Variants in NEK1 observed in about 807,000 individuals in gnomAD.
NEK1 encodes serine/threonine-protein kinase Nek1.
NEK1 carries 137 observed loss-of-function variants against 182.1 expected under a neutral mutation model. The observed-to-expected ratio is 0.75, with a 90% CI of 0.65 to 0.87. The LOEUF is 0.87. Among genes scored for constraint, NEK1 ranks in the 40% least tolerant of loss-of-function variants. NEK1 has a pLI of 0.00. For missense variants in NEK1, 1,391 were observed against 1,494.4 expected, an observed-to-expected ratio of 0.93 and a Z score of 1.14; for synonymous variants, 513 against 492.2, an observed-to-expected ratio of 1.04 and a Z score of -0.56.
At chr4:169,536,363 A>AT (rs1485742153) in intron 19 of NEK1, among the ~76,000 whole-genome samples, 1 of 151,980 alleles carries the variant, frequency 6.6e-6, no homozygotes, top group African/African-American at 2.4e-5. Flanking sequence ...AAAGAGAAAA[A>AT]TTTTAAAGTA....
At chr4:169,491,015 C>A (rs923664811) in intron 23 of NEK1, among the ~76,000 whole-genome samples, 4 of 151,474 alleles carry the variant, frequency 2.6e-5, no homozygotes, top group Admixed American at 2.6e-4. Context: ...TGGTGGCATG[C>A]GCCTGTAGTC....
intron 31 of NEK1, among the ~76,000 whole-genome samples, chr4:169,409,149 G>A (rs181571308): frequency 6.6e-6 from 1 of 151,740 alleles, no homozygotes; most frequent in Non-Finnish European, 1.5e-5. Context: ...TTTACTTATT[G>A]TTTTTCTTTT....
chr4:169,501,411 C>G (rs1413859449), intron 23 of NEK1, among the ~76,000 whole-genome samples: 5 of 152,194 alleles, frequency 3.3e-5, no homozygotes, highest in Non-Finnish European at 7.4e-5. Context: ...TAATTAGCAT[C>G]TACAGAACAC....
intron 23 of NEK1, among the ~76,000 whole-genome samples, chr4:169,496,718 G>A (rs376007658): frequency 2.6e-4 from 37 of 143,856 alleles, no homozygotes; most frequent in East Asian, 1.0e-3. Context: ...ATTGATTTGC[G>A]TATGTTGAAC....
intron 29 of NEK1, among the ~76,000 whole-genome samples, chr4:169,427,723 T>C (rs985020704): frequency 2.0e-5 from 3 of 150,028 alleles, no homozygotes; most frequent in African/African-American, 7.4e-5. Context: ...CTCAAACTCC[T>C]GACCTCAGGT....
chr4:169,490,864 C>A (rs1749928879), intron 23 of NEK1, among the ~76,000 whole-genome samples: 1 of 152,032 alleles, frequency 6.6e-6, no homozygotes, highest in African/African-American at 2.4e-5. Context: ...AGAGATGAGG[C>A]CGGGCATGGT....
intron 33 of NEK1, among the ~76,000 whole-genome samples, chr4:169,401,060 A>G (rs1731592577): frequency 6.6e-6 from 1 of 152,212 alleles, no homozygotes; most frequent in African/African-American, 2.4e-5. Context: ...TAAGACATAC[A>G]TCATTACATT....
intron 18 of NEK1, among the ~76,000 whole-genome samples, chr4:169,541,508 AC>A (rs1281568658): frequency 6.6e-6 from 1 of 152,152 alleles, no homozygotes; most frequent in East Asian, 1.9e-4. Flanking sequence ...TAAAGAAGAA[AC>A]AGGCAAATAT....
chr4:169,508,206 GAC>G, intron 21 of NEK1, 40 bp downstream of exon 21: 1 of 1,489,000 alleles, frequency 6.7e-7, no homozygotes, highest in Non-Finnish European at 9.1e-7. Flanking sequence ...AACCTACTAT[GAC>G]ATCATTCAAT....
chr4:169,456,951 G>A (rs1232040667), intron 27 of NEK1, among the ~76,000 whole-genome samples: 1 of 152,154 alleles, frequency 6.6e-6, no homozygotes, highest in Non-Finnish European at 1.5e-5. Flanking sequence ...TATAAGACAG[G>A]CACAGAAAGA....
At position 169,516,095 on chromosome 4, in the gene NEK1, T is replaced by C. The variant is rs1170441731; in HGVS notation, c.1666-7243A>G. Among the ~76,000 whole-genome samples the C allele has an allele frequency of 4.1e-5, 2 of 48,874 alleles. 1 individual carries two copies. Among genetic ancestry groups the C allele is most frequent in the Admixed American group, 4.5e-4 (2 of 4,456 alleles). 32.1% of individuals were successfully genotyped at this position (48,874 alleles called of 152,430 possible). ...ATCGCCACACTGACTTCCACAATGG[T>C]TGAACTAGTTTACAGTCCCACCAAC... On this transcript the variant is annotated intron_variant, in intron 19 of 35. Transcript: ENST00000507142.
intron 28 of NEK1, among the ~76,000 whole-genome samples, chr4:169,434,509 G>C (rs1302855483): frequency 6.6e-6 from 1 of 152,120 alleles, no homozygotes; most frequent in Admixed American, 6.5e-5. Context: ...CACCACGCCT[G>C]GCCTGACCCT....
chr4:169,436,405 T>C (rs914473793), intron 28 of NEK1, among the ~76,000 whole-genome samples: 2 of 152,096 alleles, frequency 1.3e-5, no homozygotes, highest in Non-Finnish European at 2.9e-5. Flanking sequence ...AAACAGTTAC[T>C]GGAGGCTGAA....
chr4:169,491,136 CAAAAAAAAAAAAAAAAA>C (rs70964208), intron 23 of NEK1, among the ~76,000 whole-genome samples: 1 of 45,904 alleles, frequency 2.2e-5, no homozygotes, highest in Admixed American at 3.3e-4. Context: ...GACTCCATCT[CAAAAAAAAAAAAAAAAA>C]AAAAAAAAAA....
intron 12 of NEK1, 56 bp downstream of exon 12, chr4:169,576,872 T>C (rs1765759402): frequency 4.1e-6 from 6 of 1,458,964 alleles, no homozygotes; most frequent in Non-Finnish European, 3.7e-6. Flanking sequence ...TGAGCTGCAA[T>C]GAAATAAGGT....
At chr4:169,504,268 G>A (rs751329158) in intron 23 of NEK1, among the ~76,000 whole-genome samples, 1 of 151,978 alleles carries the variant, frequency 6.6e-6, no homozygotes, top group African/African-American at 2.4e-5. Context: ...TCTTACACTC[G>A]TACACTGTTG....
chr4:169,494,657 C>A (rs1030460091), intron 23 of NEK1, among the ~76,000 whole-genome samples: 4 of 152,100 alleles, frequency 2.6e-5, no homozygotes, highest in Non-Finnish European at 5.9e-5. Flanking sequence ...GTTCTAGATC[C>A]CTGAGGAATC....
At chr4:169,443,798 G>C (rs964318806) in intron 27 of NEK1, among the ~76,000 whole-genome samples, 1 of 151,928 alleles carries the variant, frequency 6.6e-6, no homozygotes, top group Non-Finnish European at 1.5e-5. Flanking sequence ...TACATATAAG[G>C]GCACCCCCAA....
intron 11 of NEK1, among the ~76,000 whole-genome samples, chr4:169,578,211 C>A (rs1380378231): frequency 6.6e-6 from 1 of 152,142 alleles, no homozygotes; most frequent in African/African-American, 2.4e-5. Context: ...GGAAATTCTA[C>A]TATTTATTCA....
Sources: allele counts gnomAD v4.1 joint callset (sites outside exome capture counted in the v4.1 genomes callset), GRCh38; gene constraint gnomAD v4.1.1; transcripts MANE v1.5; gene names NCBI Gene and HGNC (gene_info 2026-07-23, HGNC 2026-07-21).